The following GLIS3 variants were observed in gnomAD, a reference collection of about 807,000 sequenced individuals.
GLIS3 encodes the protein zinc finger protein GLIS3.
Under a neutral mutation model 78.6 loss-of-function variants are expected in GLIS3, and 53 were observed. The observed-to-expected ratio is 0.67, with a 90% confidence interval of 0.54 to 0.85. GLIS3 has a LOEUF of 0.85. Among genes scored for constraint, GLIS3 ranks in the 40% least tolerant of loss-of-function variants. GLIS3 has a pLI of 0.00. For synonymous variants in GLIS3, 684 were observed against 509.9 expected, an observed-to-expected ratio of 1.34 and a Z score of -4.60; for missense variants, 1,703 against 1,231.1, an observed-to-expected ratio of 1.38 and a Z score of -5.74.
At position 3,824,590 on chromosome 9, in the gene GLIS3, CTG is replaced by C. The variant is rs1033340598; in HGVS notation, c.*3680_*3681del. ...TAACTTATGATTATATGAAACATAA[CTG>C]TGACAAATCACAAAACTATACATAT... On this transcript the variant is annotated 3_prime_UTR_variant, in exon 11 of 11. Coordinates refer to ENST00000381971, the MANE Select transcript of GLIS3 (RefSeq NM_001042413.2). The C allele has an allele frequency of 3.3e-5, 5 of 152,408 alleles. No homozygotes were observed. Among genetic ancestry groups the C allele is most frequent in the African/African-American group, 7.2e-5 (3 of 41,438 alleles). 9.4% of individuals were successfully genotyped at this position (152,408 alleles called of 1,614,324 possible).
At chr9:4,115,339 G>A (rs1831554699) in intron 4 of GLIS3, among the ~76,000 whole-genome samples, 1 of 152,058 alleles carries the variant, frequency 6.6e-6, no homozygotes. Flanking sequence ...AGGTCACTTC[G>A]CATTTCCAAA....
At chr9:4,380,007 A>T in the GLIS3 span, among the ~76,000 whole-genome samples, 1 of 152,192 alleles carries the variant, frequency 6.6e-6, no homozygotes, top group Admixed American at 6.5e-5. Context: ...CTTTGCAAGT[A>T]ACTAGTTATG....
the GLIS3 span, among the ~76,000 whole-genome samples, chr9:4,463,807 GT>G: frequency 6.6e-6 from 1 of 152,150 alleles, no homozygotes; most frequent in Non-Finnish European, 1.5e-5. Flanking sequence ...AAATTTCCAA[GT>G]TTTTTCATGG....
At chr9:3,970,536 C>G (rs1818302810) in intron 4 of GLIS3, among the ~76,000 whole-genome samples, 1 of 152,044 alleles carries the variant, frequency 6.6e-6, no homozygotes, top group African/African-American at 2.4e-5. Context: ...TAAGAGACTA[C>G]CAGTGTTACC....
chr9:4,184,889 T>C (rs1311564002), intron 2 of GLIS3, among the ~76,000 whole-genome samples: 1 of 102,262 alleles, frequency 9.8e-6, no homozygotes, highest in Middle Eastern at 5.4e-3. Flanking sequence ...AAGTATTAAA[T>C]ATTGGGTTAC....
intron 4 of GLIS3, among the ~76,000 whole-genome samples, chr9:4,062,960 C>G (rs1450507280): frequency 1.3e-5 from 2 of 151,692 alleles, no homozygotes; most frequent in African/African-American, 4.8e-5. Context: ...GTGAAGTACA[C>G]AGGAAGCACA....
chr9:4,018,639 A>T (rs891639420), intron 4 of GLIS3, among the ~76,000 whole-genome samples: 1 of 152,116 alleles, frequency 6.6e-6, no homozygotes, highest in Non-Finnish European at 1.5e-5. Flanking sequence ...TCAAAGGAGC[A>T]ATGGTTCTCA....
chr9:4,013,876 G>A (rs1020990146), intron 4 of GLIS3, among the ~76,000 whole-genome samples: 13 of 152,194 alleles, frequency 8.5e-5, no homozygotes, highest in African/African-American at 2.9e-4. Flanking sequence ...GGTAGCACTT[G>A]TCAGGAATTG....
At chr9:4,470,328 C>T in the GLIS3 span, among the ~76,000 whole-genome samples, 12 of 152,206 alleles carry the variant, frequency 7.9e-5, no homozygotes, top group East Asian at 3.9e-4. Flanking sequence ...CCAATATCCC[C>T]GATGAATATC....
chr9:4,026,231 G>A (rs777071893), intron 4 of GLIS3, among the ~76,000 whole-genome samples: 7 of 152,300 alleles, frequency 4.6e-5, no homozygotes, highest in Middle Eastern at 6.8e-3. Flanking sequence ...ATTTACCCAC[G>A]TAGTATTTAC....
chr9:4,305,961 T>C (rs1817218407), intron 4 of GLIS3: 1 of 152,212 alleles, frequency 6.6e-6, no homozygotes, highest in Non-Finnish European at 1.5e-5. Flanking sequence ...CTTATAGAGG[T>C]ACCTAAGGTA....
chr9:4,004,996 A>G (rs1215835895), intron 4 of GLIS3, among the ~76,000 whole-genome samples: 1 of 152,192 alleles, frequency 6.6e-6, no homozygotes, highest in African/African-American at 2.4e-5. Context: ...CAGCTCCTCA[A>G]TTCACAGGCA....
the GLIS3 span, among the ~76,000 whole-genome samples, chr9:4,375,402 C>A: frequency 1.2e-4 from 19 of 152,210 alleles, no homozygotes; most frequent in African/African-American, 3.9e-4. Context: ...TTCCTTTATA[C>A]CTTTAATGAA....
intron 4 of GLIS3, among the ~76,000 whole-genome samples, chr9:4,050,163 G>C (rs13297597): frequency 2.0e-5 from 3 of 150,764 alleles, no homozygotes; most frequent in African/African-American, 7.5e-5. Context: ...GTTTATTGCG[G>C]CCTATTCACC....
At chr9:3,920,066 C>T (rs1394251700) in intron 6 of GLIS3, among the ~76,000 whole-genome samples, 1 of 147,024 alleles carries the variant, frequency 6.8e-6, no homozygotes, top group Non-Finnish European at 1.5e-5. Flanking sequence ...TGCAGTGGCA[C>T]GGTCTCGGCT....
intron 2 of GLIS3, among the ~76,000 whole-genome samples, chr9:4,178,042 G>C (rs1329736787): frequency 6.6e-6 from 1 of 152,178 alleles, no homozygotes; most frequent in Non-Finnish European, 1.5e-5. Context: ...ATGGAGTGAA[G>C]CTAGCAATTA....
intron 2 of GLIS3, among the ~76,000 whole-genome samples, chr9:4,131,932 C>T (rs906130255): frequency 6.6e-6 from 1 of 151,812 alleles, no homozygotes; most frequent in Non-Finnish European, 1.5e-5. Context: ...CATTCTCTTT[C>T]TAAAGAAAAT....
At chr9:4,204,770 C>T (rs757139193) in intron 2 of GLIS3, among the ~76,000 whole-genome samples, 4 of 151,860 alleles carry the variant, frequency 2.6e-5, no homozygotes, top group Non-Finnish European at 5.9e-5. Flanking sequence ...AAAAATTAGC[C>T]GGGCGTGGTG....
intron 4 of GLIS3, among the ~76,000 whole-genome samples, chr9:4,095,225 T>G (rs1385331496): frequency 6.6e-6 from 1 of 152,224 alleles, no homozygotes; most frequent in Non-Finnish European, 1.5e-5. Flanking sequence ...CTGTTCTATG[T>G]ACACATCCTT....
Sources: gnomAD v4.1 joint callset for allele counts (sites outside exome capture counted in the v4.1 genomes callset) on GRCh38, gnomAD v4.1.1 for gene constraint, MANE v1.5 for transcripts, NCBI Gene and HGNC (gene_info 2026-07-23, HGNC 2026-07-21) for gene names.